The following TLE1 variants were observed in gnomAD, a reference collection of about 807,000 sequenced individuals.
The protein encoded by TLE1 is transducin-like enhancer protein 1.
A neutral mutation model predicts 89.8 loss-of-function variants in TLE1; 21 were observed. That is an observed-to-expected ratio of 0.23 (90% CI 0.17 to 0.34). The LOEUF is 0.34. TLE1 is among the 10% of genes least tolerant of loss of function. TLE1 has a pLI of 1.00. For synonymous variants in TLE1, 447 were observed against 407.6 expected, an observed-to-expected ratio of 1.10 and a Z score of -1.16; for missense variants, 795 against 1,031.2, an observed-to-expected ratio of 0.77 and a Z score of 3.14.
At chr9:81,589,313 C>T (rs1246728112) in intron 16 of TLE1, among the ~76,000 whole-genome samples, 21 of 152,194 alleles carry the variant, frequency 1.4e-4, no homozygotes, top group Admixed American at 1.4e-3. Flanking sequence ...ATCCCTCTGC[C>T]CTCTCTCCGT....
chr9:81,681,326 G>GA (rs1833598773), intron 4 of TLE1, among the ~76,000 whole-genome samples: 1 of 152,066 alleles, frequency 6.6e-6, no homozygotes, highest in Admixed American at 6.5e-5. Context: ...GAGGCGGGGG[G>GA]AATCACTTGA....
At chr9:81,593,302 C>A in intron 14 of TLE1, 28 bp from the exon 15 acceptor site, 1 of 1,586,850 alleles carries the variant, frequency 6.3e-7, no homozygotes, top group Non-Finnish European at 8.6e-7. Context: ...GGAGAGAAGA[C>A]AGAAAACACA....
chr9:81,626,612 A>G (rs1413704223), intron 8 of TLE1, among the ~76,000 whole-genome samples: 1 of 152,206 alleles, frequency 6.6e-6, no homozygotes, highest in Admixed American at 6.5e-5. Context: ...GATGTTTCAC[A>G]CAGTTTAAAT....
chr9:81,609,273 C>T (rs1302202231), intron 14 of TLE1, among the ~76,000 whole-genome samples: 3 of 151,980 alleles, frequency 2.0e-5, no homozygotes, highest in African/African-American at 4.8e-5. Flanking sequence ...TTAGTAGAGA[C>T]GGGGTTTCGC....
At chr9:81,662,245 C>CA (rs1830890362) in intron 4 of TLE1, among the ~76,000 whole-genome samples, 1 of 152,074 alleles carries the variant, frequency 6.6e-6, no homozygotes, top group Admixed American at 6.5e-5. Context: ...CGCTACACAC[C>CA]AACCCACAGG....
At chr9:81,607,810 C>T (rs987906271) in intron 14 of TLE1, among the ~76,000 whole-genome samples, 1 of 152,218 alleles carries the variant, frequency 6.6e-6, no homozygotes, top group African/African-American at 2.4e-5. Context: ...TGGAAGAGAA[C>T]TACCAGCTAA....
At chr9:81,679,338 C>A (rs946549998) in intron 4 of TLE1, among the ~76,000 whole-genome samples, 1 of 151,548 alleles carries the variant, frequency 6.6e-6, no homozygotes, top group Non-Finnish European at 1.5e-5. Context: ...GTGGACCCTG[C>A]TCAGGAAGAA....
intron 6 of TLE1, among the ~76,000 whole-genome samples, chr9:81,646,638 G>A (rs748375627): frequency 2.4e-4 from 36 of 152,222 alleles, no homozygotes; most frequent in Middle Eastern, 6.8e-3. Flanking sequence ...ATAGCCAAAG[G>A]AGAAAAATAA....
At chr9:81,685,241 C>A (rs1190078410) in intron 4 of TLE1, among the ~76,000 whole-genome samples, 2 of 152,080 alleles carry the variant, frequency 1.3e-5, no homozygotes, top group African/African-American at 4.8e-5. Context: ...TAGTCATATA[C>A]CTTGATTACC....
At chr9:81,673,234 T>C (rs534503098) in intron 4 of TLE1, among the ~76,000 whole-genome samples, 21 of 139,030 alleles carry the variant, frequency 1.5e-4, no homozygotes, top group Admixed American at 1.3e-3. Context: ...GATTGCGCCA[T>C]TGCACTCCAG....
chr9:81,610,713 T>C (rs1247467125), intron 13 of TLE1, among the ~76,000 whole-genome samples: 1 of 152,144 alleles, frequency 6.6e-6, no homozygotes, highest in Non-Finnish European at 1.5e-5. Flanking sequence ...TGGCCCCTAC[T>C]GTTTATGTGC....
In TLE1 at chr9:81,634,081, T is replaced by G. The variant is rs1331789668; in HGVS notation, c.577+16A>C. 1 of 1,598,424 alleles carries G rather than the reference T, an allele frequency of 6.3e-7. No homozygotes were observed. The highest frequency in any genetic ancestry group is 8.5e-7 in the Non-Finnish European group (1 of 1,171,446). On this transcript the variant is annotated intron_variant, in intron 7 of 19. Transcript: ENST00000376499. ...TATGAGGACAAAGTCCTAATCTGGC[T>G]TGCCCGGCCTCTCACCTCTGTGGTG...
intron 4 of TLE1, among the ~76,000 whole-genome samples, chr9:81,659,733 T>C (rs1443921168): frequency 6.6e-6 from 1 of 152,174 alleles, no homozygotes; most frequent in African/African-American, 2.4e-5. Flanking sequence ...CTTGGCAAAC[T>C]ACTGCTAGGG....
chr9:81,653,313 C>A (rs542749793), intron 5 of TLE1, among the ~76,000 whole-genome samples: 1 of 152,248 alleles, frequency 6.6e-6, no homozygotes, highest in South Asian at 2.1e-4. Context: ...ACTTAGAACA[C>A]GTTACAGCAT....
rs567060516 is a variant in TLE1, at chr9:81,679,184, A to C, written c.234+6492T>G. 7.2e-5 allele frequency among the ~76,000 whole-genome samples: 11 copies of C among 152,282 alleles called. No individual in the cohort carries two copies. The South Asian group carries it at 2.3e-3, about 32-fold the overall frequency. ...TTAAATGTTAAATAATGAAACATGTAATTTTGCTAAATCACAGGTTATTTG... is the reference window on the plus strand; with the variant it reads ...TTAAATGTTAAATAATGAAACATGTCATTTTGCTAAATCACAGGTTATTTG... On this transcript the variant is annotated intron_variant, in intron 4 of 19. Coordinates refer to ENST00000376499, the MANE Select transcript of TLE1 (RefSeq NM_005077.5).
At chr9:81,601,017 A>G (rs76722895) in intron 14 of TLE1, among the ~76,000 whole-genome samples, 6,183 of 152,314 alleles carry the variant, frequency 0.041, 158 homozygotes, top group Middle Eastern at 0.061. Flanking sequence ...CTCAGTCTAC[A>G]CAGTCGTGTG....
intron 6 of TLE1, among the ~76,000 whole-genome samples, chr9:81,636,292 A>G (rs1827347990): frequency 6.6e-6 from 1 of 152,142 alleles, no homozygotes; most frequent in South Asian, 2.1e-4. Context: ...AGAAGCTTGC[A>G]GTGGCATCAC....
chr9:81,615,396 T>C (rs1824343471), intron 11 of TLE1, among the ~76,000 whole-genome samples: 1 of 150,878 alleles, frequency 6.6e-6, no homozygotes, highest in African/African-American at 2.4e-5. Flanking sequence ...GAGAGCTGTG[T>C]GGCAAGAACA....
In TLE1 at chr9:81,620,491, A is replaced by G. The variant is rs767882808; in HGVS notation, c.661T>C (p.Ser221Pro). 1 of 1,613,972 alleles carries G rather than the reference A, an allele frequency of 6.2e-7. No homozygotes were observed. Among genetic ancestry groups the G allele is most frequent in the Non-Finnish European group, 8.5e-7 (1 of 1,180,014 alleles). Reference sequence around the variant, plus strand: ...ACCTTCCTTTTCTTGATGTCATTGGAAAATTCAGGTCCATTTCTGCGTTTA... The same window carrying G: ...ACCTTCCTTTTCTTGATGTCATTGGGAAATTCAGGTCCATTTCTGCGTTTA... ...TDKRRNGPEF[S>P]NDIKKRKVDD... is the part of the protein sequence containing the mutation. The change falls in exon 9 of 20, where the codon TCC (serine) becomes CCC (proline). Residue 221 changes from serine to proline, a missense_variant. Ser to Pro is a moderately conservative substitution (Grantham distance 74, BLOSUM62 -1). Transcript: ENST00000376499.
Sources: gnomAD v4.1 joint callset for allele counts (sites outside exome capture counted in the v4.1 genomes callset) on GRCh38, gnomAD v4.1.1 for gene constraint, MANE v1.5 for transcripts, NCBI Gene and HGNC (gene_info 2026-07-23, HGNC 2026-07-21) for gene names.